Variants in SNTG1 observed in about 807,000 individuals in gnomAD.
SNTG1 encodes gamma-1-syntrophin.
In SNTG1, 39 loss-of-function variants were observed where a neutral mutation model predicts 74.7. That is an observed-to-expected ratio of 0.52 (90% CI 0.40 to 0.68). SNTG1 has a LOEUF of 0.68. SNTG1 is among the 30% of genes least tolerant of loss of function. The pLI is 0.00. For missense variants in SNTG1, 685 were observed against 609.5 expected (o/e 1.12, Z -1.30); for synonymous variants, 254 against 217.1 (o/e 1.17, Z -1.49).
chr8:50,175,302 G>T (rs16914392), intron 2 of SNTG1, among the ~76,000 whole-genome samples: 1 of 152,118 alleles, frequency 6.6e-6, no homozygotes, highest in Non-Finnish European at 1.5e-5. Flanking sequence ...AAGCAGCAGC[G>T]AGTGATCTAG....
intron 8 of SNTG1, among the ~76,000 whole-genome samples, chr8:50,474,196 A>G (rs1455830219): frequency 6.6e-6 from 1 of 152,120 alleles, no homozygotes; most frequent in Non-Finnish European, 1.5e-5. Flanking sequence ...CACCAAAAGC[A>G]ATGGCAACAC....
At chr8:50,073,366 A>C (rs1304867105) in intron 1 of SNTG1, among the ~76,000 whole-genome samples, 1 of 152,194 alleles carries the variant, frequency 6.6e-6, no homozygotes, top group Admixed American at 6.5e-5. Flanking sequence ...TCAGCAATTC[A>C]TACATCTTCA....
intron 2 of SNTG1, among the ~76,000 whole-genome samples, chr8:50,204,366 T>C (rs2084113951): frequency 6.6e-6 from 1 of 152,100 alleles, no homozygotes; most frequent in Non-Finnish European, 1.5e-5. Flanking sequence ...TGAATTATGT[T>C]CCAAGTAGAT....
intron 4 of SNTG1, among the ~76,000 whole-genome samples, chr8:50,425,246 CAG>C (rs77434749): frequency 0.85 from 129,510 of 151,620 alleles, 55,441 homozygotes; most frequent in Non-Finnish European, 0.89. Context: ...TGGTACCAGT[CAG>C]CAGGAGGTGA....
chr8:50,549,196 T>G (rs2094408813), intron 11 of SNTG1, among the ~76,000 whole-genome samples: 1 of 152,174 alleles, frequency 6.6e-6, no homozygotes, highest in Non-Finnish European at 1.5e-5. Context: ...CTAAACAGCT[T>G]AGGTTTTGTG....
At chr8:50,186,306 A>C (rs1256041125) in intron 2 of SNTG1, among the ~76,000 whole-genome samples, 1 of 152,116 alleles carries the variant, frequency 6.6e-6, no homozygotes, top group African/African-American at 2.4e-5. Flanking sequence ...TGCTGCAGTA[A>C]ATATATGTGT....
intron 18 of SNTG1, among the ~76,000 whole-genome samples, chr8:50,766,507 A>T (rs2095614333): frequency 6.6e-6 from 1 of 151,982 alleles, no homozygotes; most frequent in South Asian, 2.1e-4. Flanking sequence ...GAAATGTTTG[A>T]GTATTTAAGA....
At chr8:50,366,803 A>G (rs1293142188) in intron 2 of SNTG1, among the ~76,000 whole-genome samples, 1 of 146,372 alleles carries the variant, frequency 6.8e-6, no homozygotes, top group Non-Finnish European at 1.5e-5. Context: ...ATACTATAAT[A>G]AAATATATTA....
intron 1 of SNTG1, among the ~76,000 whole-genome samples, chr8:50,098,014 T>C (rs775942204): frequency 2.6e-5 from 4 of 152,176 alleles, no homozygotes; most frequent in Admixed American, 6.5e-5. Flanking sequence ...ATTGAATTTT[T>C]TCTACTTCCT....
At chr8:50,737,658 C>T (rs1046391775) in intron 17 of SNTG1, among the ~76,000 whole-genome samples, 2 of 152,108 alleles carry the variant, frequency 1.3e-5, no homozygotes, top group Non-Finnish European at 2.9e-5. Context: ...AGAAAATCCT[C>T]AATAAAATAT....
chr8:50,434,517 T>C (rs1307699240), intron 4 of SNTG1, among the ~76,000 whole-genome samples: 4 of 152,106 alleles, frequency 2.6e-5, no homozygotes, highest in Non-Finnish European at 4.4e-5. Flanking sequence ...AGTGTAAAAG[T>C]GGTCCTATTT....
chr8:49,999,958 T>A (rs1340401559), intron 1 of SNTG1, among the ~76,000 whole-genome samples: 1 of 152,228 alleles, frequency 6.6e-6, no homozygotes, highest in African/African-American at 2.4e-5. Context: ...GATCAGTTCC[T>A]GGCTTAATAC....
In SNTG1 at chr8:50,174,781, T is replaced by C. The variant is rs144786554; in HGVS notation, c.-28+2146T>C. ...AACGTGCAGGTTTGTTACATATGTATACATGTGCCATGTTGGTGTGCTGCA... is the reference window on the plus strand; with the variant it reads ...AACGTGCAGGTTTGTTACATATGTACACATGTGCCATGTTGGTGTGCTGCA... On this transcript the variant is annotated intron_variant, in intron 2 of 18. Coordinates refer to ENST00000642720, the MANE Select transcript of SNTG1 (RefSeq NM_018967.5). Among the ~76,000 whole-genome samples, 1,232 of 152,244 alleles carry C rather than the reference T, an allele frequency of 8.1e-3. 20 individuals are homozygous for C. Among genetic ancestry groups the C allele is most frequent in the African/African-American group, 0.029 (1,186 of 41,550 alleles).
At chr8:50,687,863 G>C (rs1433091154) in intron 15 of SNTG1, among the ~76,000 whole-genome samples, 1 of 151,982 alleles carries the variant, frequency 6.6e-6, no homozygotes, top group African/African-American at 2.4e-5. Context: ...ATATTTTACA[G>C]TCCCACCAAT....
At chr8:50,477,535 T>C (rs1222138968) in intron 8 of SNTG1, among the ~76,000 whole-genome samples, 2 of 152,068 alleles carry the variant, frequency 1.3e-5, no homozygotes, top group African/African-American at 4.8e-5. Context: ...AAAAGGAGCC[T>C]AAATAGACAG....
intron 2 of SNTG1, among the ~76,000 whole-genome samples, chr8:50,266,699 T>TA (rs2087496519): frequency 9.1e-6 from 1 of 109,854 alleles, no homozygotes; most frequent in Non-Finnish European, 2.0e-5. Flanking sequence ...TATATATATA[T>TA]GAATGATACA....
intron 12 of SNTG1, among the ~76,000 whole-genome samples, chr8:50,581,675 C>A (rs1394681650): frequency 6.6e-6 from 1 of 152,012 alleles, no homozygotes; most frequent in East Asian, 1.9e-4. Context: ...ATTTGGGATG[C>A]CACAGTGTAT....
At chr8:50,504,086 G>A (rs2093986467) in intron 9 of SNTG1, among the ~76,000 whole-genome samples, 1 of 152,174 alleles carries the variant, frequency 6.6e-6, no homozygotes, top group Non-Finnish European at 1.5e-5. Context: ...GTGAGAATGT[G>A]AAGTATTTGG....
intron 1 of SNTG1, among the ~76,000 whole-genome samples, chr8:50,109,744 T>TA (rs1332617815): frequency 6.6e-6 from 1 of 152,098 alleles, no homozygotes. Context: ...CAGTGAGCCC[T>TA]ATTGAAGGGA....
Sources: gnomAD v4.1 joint callset for allele counts (sites outside exome capture counted in the v4.1 genomes callset) on GRCh38, gnomAD v4.1.1 for gene constraint, MANE v1.5 for transcripts, NCBI Gene and HGNC (gene_info 2026-07-23, HGNC 2026-07-21) for gene names.